The following COL23A1 variants were observed in gnomAD, a reference collection of about 807,000 sequenced individuals.
COL23A1 encodes collagen type XXIII alpha 1 chain, also known as collagen alpha-1(XXIII) chain.
In COL23A1, 97 loss-of-function variants were observed where a neutral mutation model predicts 99.3. That is an observed-to-expected ratio of 0.98 (90% CI 0.83 to 1.16). The LOEUF (loss-of-function observed/expected upper bound fraction) is 1.16, where lower values mean the gene tolerates loss of function less well. COL23A1 is among the 50% of genes most tolerant of loss of function. The pLI is 0.00. For missense variants in COL23A1, 762 were observed against 757.4 expected (o/e 1.01, Z -0.07); for synonymous variants, 320 against 308.2 (o/e 1.04, Z -0.40).
rs1334135320 is a variant in COL23A1, at chr5:178,365,170, T to TGTGA, written c.362-58252_362-58251insTCAC. 1.9e-3 allele frequency among the ~76,000 whole-genome samples: 272 copies of TGTGA among 141,760 alleles called. No individual in the cohort carries two copies. Among genetic ancestry groups the TGTGA allele is most frequent in the African/African-American group, 6.2e-3 (244 of 39,224 alleles). 93.0% of individuals were successfully genotyped at this position (141,760 alleles called of 152,430 possible). Reference sequence around the variant, plus strand: ...GTGTGTGTGTGTGTGTGTGTGTGTGTGATAAATAAGCAAAATTGTTTTCCT... The same window carrying TGTGA: ...GTGTGTGTGTGTGTGTGTGTGTGTGTGTGAGATAAATAAGCAAAATTGTTTTCCT... On this transcript the variant is annotated intron_variant, in intron 2 of 28. Coordinates refer to ENST00000390654, the MANE Select transcript of COL23A1 (RefSeq NM_173465.4). This position sits in a 1 kb window ranked among gnomAD's most constrained non-coding sequence, Gnocchi z 5.2.
At chr5:178,249,710 A>T (rs1343747876) in intron 18 of COL23A1, among the ~76,000 whole-genome samples, 7 of 97,912 alleles carry the variant, frequency 7.1e-5, no homozygotes, top group African/African-American at 1.3e-4. Context: ...ACACACACAC[A>T]CACACACTCT....
intron 2 of COL23A1, among the ~76,000 whole-genome samples, chr5:178,355,615 C>A (rs995227928): frequency 6.6e-6 from 1 of 152,034 alleles, no homozygotes; most frequent in Non-Finnish European, 1.5e-5. Flanking sequence ...TCACTGCAAC[C>A]GCCGCCTCCT....
At chr5:178,471,360 G>A (rs1462048349) in intron 2 of COL23A1, among the ~76,000 whole-genome samples, 1 of 152,148 alleles carries the variant, frequency 6.6e-6, no homozygotes, top group Non-Finnish European at 1.5e-5. Flanking sequence ...TCCTGCCTCA[G>A]CCTCCTGAGT....
intron 2 of COL23A1, among the ~76,000 whole-genome samples, chr5:178,452,412 A>G (rs994139137): frequency 6.6e-6 from 1 of 152,228 alleles, no homozygotes; most frequent in African/African-American, 2.4e-5. Flanking sequence ...AGAAACCAGG[A>G]GAAAAAGCTT....
At chr5:178,285,248 A>G (rs972753215) in intron 5 of COL23A1, among the ~76,000 whole-genome samples, 29 of 152,174 alleles carry the variant, frequency 1.9e-4, no homozygotes, top group African/African-American at 7.0e-4. Context: ...GAGTTAATCC[A>G]GAAAAGCACC....
intron 1 of COL23A1, among the ~76,000 whole-genome samples, chr5:178,579,843 G>A (rs1011085700): frequency 1.2e-4 from 18 of 152,318 alleles, no homozygotes; most frequent in African/African-American, 2.9e-4. Context: ...GCTGCTCAAA[G>A]CCAAATCATT....
chr5:178,375,977 G>T (rs10070973), intron 2 of COL23A1, among the ~76,000 whole-genome samples: 16,427 of 152,136 alleles, frequency 0.11, 1,819 homozygotes, highest in African/African-American at 0.29. Context: ...AAAGTGTTGG[G>T]ATTATAGGCG....
At chr5:178,393,706 G>A (rs1764087710) in intron 2 of COL23A1, among the ~76,000 whole-genome samples, 1 of 145,304 alleles carries the variant, frequency 6.9e-6, no homozygotes, top group Non-Finnish European at 1.5e-5. Context: ...CGCAATCTCT[G>A]CTCACTGCAA....
At chr5:178,325,503 C>T (rs568508950) in intron 2 of COL23A1, among the ~76,000 whole-genome samples, 1 of 150,950 alleles carries the variant, frequency 6.6e-6, no homozygotes, top group South Asian at 2.1e-4. Flanking sequence ...TTTTTTTGGC[C>T]AGGAAAACTC....
chr5:178,539,276 G>T (rs1179802873), intron 2 of COL23A1, among the ~76,000 whole-genome samples: 2 of 152,164 alleles, frequency 1.3e-5, no homozygotes, highest in African/African-American at 4.8e-5. Flanking sequence ...GCCGAGCACG[G>T]TGGCTCACGC....
In COL23A1 at chr5:178,384,120, G is replaced by T. The variant is rs1029959613; in HGVS notation, c.362-77201C>A. Among the ~76,000 whole-genome samples the T allele has an allele frequency of 1.3e-5, 2 of 152,168 alleles. No homozygotes were observed. The highest frequency in any genetic ancestry group is 3.9e-4 in the East Asian group (2 of 5,190). Reference sequence around the variant, plus strand: ...CAAAGACCCCTCTTCTCTAGAAAGGGGTGATGGTAAAATAAGGCTGGCCAT... The same window carrying T: ...CAAAGACCCCTCTTCTCTAGAAAGGTGTGATGGTAAAATAAGGCTGGCCAT... On this transcript the variant is annotated intron_variant, in intron 2 of 28. Transcript: ENST00000390654. This position sits in a 1 kb window ranked among gnomAD's most constrained non-coding sequence, Gnocchi z 5.5.
rs1432852950 is a variant in COL23A1 at position 178,307,975 on chromosome 5, G to A, written c.362-1056C>T. Among the ~76,000 whole-genome samples the A allele has an allele frequency of 1.3e-5, 2 of 152,076 alleles. No homozygotes were observed. Among genetic ancestry groups the A allele is most frequent in the Non-Finnish European group, 2.9e-5 (2 of 68,018 alleles). On this transcript the variant is annotated intron_variant, in intron 2 of 28. Coordinates refer to ENST00000390654, the MANE Select transcript of COL23A1 (RefSeq NM_173465.4). The surrounding 1 kb of genome is among the most constrained non-coding windows in gnomAD (Gnocchi z 4.2). ...GATGCAGGAGACTGGCCCCGATCGC[G>A]TCTGTGGCAGGATGGAAAAATGAGT...
At chr5:178,548,088 A>G (rs945222776) in intron 2 of COL23A1, among the ~76,000 whole-genome samples, 4 of 43,528 alleles carry the variant, frequency 9.2e-5, no homozygotes, top group Non-Finnish European at 1.4e-4. Context: ...CACACACCCT[A>G]TTGGTTCTGT....
At chr5:178,506,489 C>T (rs1581525432) in intron 2 of COL23A1, among the ~76,000 whole-genome samples, 1 of 152,304 alleles carries the variant, frequency 6.6e-6, no homozygotes, top group African/African-American at 2.4e-5. Flanking sequence ...CCTGGGCAGG[C>T]ATGAGCAAAG....
At chr5:178,239,324 T>G in intron 27 of COL23A1, 145 bp from the exon 28 acceptor site, 1 of 835,364 alleles carries the variant, frequency 1.2e-6, no homozygotes, top group Non-Finnish European at 2.0e-6. Context: ...AGGGGCACAA[T>G]GCCTCCTCTG....
intron 2 of COL23A1, among the ~76,000 whole-genome samples, chr5:178,488,084 G>A (rs935576556): frequency 3.9e-5 from 6 of 152,176 alleles, no homozygotes; most frequent in African/African-American, 1.4e-4. Flanking sequence ...TTAAGCCCAC[G>A]GCAGGGTGCC....
Position 178,309,847 on chromosome 5 carries a change from C to T in COL23A1, c.362-2928G>A, listed in dbSNP as rs1758573265. Among the ~76,000 whole-genome samples, 1 of 152,138 alleles carries T rather than the reference C, an allele frequency of 6.6e-6. No homozygotes were observed. Among genetic ancestry groups the T allele is most frequent in the Admixed American group, 6.5e-5 (1 of 15,274 alleles). ...TTCTCCCTCCTGGCACAAAGGACCTCCTGCAGTATGTACTCTGCATCTCAG... is the reference window on the plus strand; with the variant it reads ...TTCTCCCTCCTGGCACAAAGGACCTTCTGCAGTATGTACTCTGCATCTCAG... On this transcript the variant is annotated intron_variant, in intron 2 of 28. Coordinates refer to ENST00000390654, the MANE Select transcript of COL23A1 (RefSeq NM_173465.4). This position sits in a 1 kb window ranked among gnomAD's most constrained non-coding sequence, Gnocchi z 4.7.
chr5:178,413,084 G>A (rs1304173705), intron 2 of COL23A1, among the ~76,000 whole-genome samples: 1 of 151,988 alleles, frequency 6.6e-6, no homozygotes, highest in African/African-American at 2.4e-5. Context: ...TTGGGAGGCT[G>A]AGGCAGGAGG....
chr5:178,375,959 G>A (rs1339891888), intron 2 of COL23A1, among the ~76,000 whole-genome samples: 10 of 152,094 alleles, frequency 6.6e-5, no homozygotes, highest in African/African-American at 1.9e-4. Context: ...TGCCCGCCTC[G>A]GCCTCCAAAA....
Sources: allele counts gnomAD v4.1 joint callset (sites outside exome capture counted in the v4.1 genomes callset), GRCh38; gene constraint gnomAD v4.1.1; non-coding constraint Gnocchi (gnomAD v3.1); transcripts MANE v1.5; gene names NCBI Gene and HGNC (gene_info 2026-07-23, HGNC 2026-07-21).